PDE10A: variants seen among roughly 807,000 people sequenced by gnomAD.
The protein encoded by PDE10A is phosphodiesterase 10A, also known as cAMP and cAMP-inhibited cGMP 3',5'-cyclic phosphodiesterase 10A.
PDE10A carries 39 observed loss-of-function variants against 97.7 expected under a neutral mutation model. That is an observed-to-expected ratio of 0.40 (90% CI 0.31 to 0.52). The LOEUF is 0.52. Among genes scored for constraint, PDE10A ranks in the 20% least tolerant of loss-of-function variants. PDE10A has a pLI of 0.56. For synonymous variants in PDE10A, 371 were observed against 376.8 expected (o/e 0.98, Z 0.18); for missense variants, 731 against 1,047.8 (o/e 0.70, Z 4.17).
At chr6:165,377,219 T>G (rs575122034) in intron 18 of PDE10A, among the ~76,000 whole-genome samples, 5 of 152,226 alleles carry the variant, frequency 3.3e-5, no homozygotes, top group African/African-American at 9.6e-5. Flanking sequence ...TGAAATTTCT[T>G]TTACAATACA....
At chr6:165,483,809 G>A (rs1032323916) in intron 2 of PDE10A, among the ~76,000 whole-genome samples, 4 of 152,184 alleles carry the variant, frequency 2.6e-5, no homozygotes. Context: ...TTAGTTCAAG[G>A]ACAGTGTGAA....
At chr6:165,602,691 A>G (rs911599111) in intron 1 of PDE10A, among the ~76,000 whole-genome samples, 5 of 152,198 alleles carry the variant, frequency 3.3e-5, no homozygotes, top group African/African-American at 1.2e-4. Flanking sequence ...CACCCATATG[A>G]TAAAAAGATC....
chr6:165,711,003 C>G lies in PDE10A; in HGVS notation c.-614-167435G>C, dbSNP rs1370704164. Among the ~76,000 whole-genome samples, 1 of 152,208 alleles carries G rather than the reference C, an allele frequency of 6.6e-6. No homozygotes were observed. ...CCCCGTGGGAGGCGGAACGGCAGAG[C>G]GGGTTTCCTTTTTACCTGGCGCACT... On this transcript the variant is annotated intron_variant, in intron 1 of 19. Transcript: ENST00000366882. This position sits in a 1 kb window ranked among gnomAD's most constrained non-coding sequence, Gnocchi z 4.5.
At chr6:165,595,403 G>C (rs990518721) in intron 1 of PDE10A, among the ~76,000 whole-genome samples, 7 of 152,172 alleles carry the variant, frequency 4.6e-5, no homozygotes, top group Non-Finnish European at 8.8e-5. Flanking sequence ...AATAAAGACA[G>C]GCCTGTAGAA....
At chr6:165,902,317 A>T (rs182136306) in intron 1 of PDE10A, among the ~76,000 whole-genome samples, 2 of 152,310 alleles carry the variant, frequency 1.3e-5, no homozygotes, top group Admixed American at 1.3e-4. Flanking sequence ...GATTTGTGTG[A>T]TGCAAAAATG....
chr6:165,645,256 G>A (rs934297095), intron 1 of PDE10A, among the ~76,000 whole-genome samples: 6 of 152,188 alleles, frequency 3.9e-5, no homozygotes, highest in African/African-American at 1.4e-4. Context: ...CTGAGCGGGG[G>A]CCTGCTGGAA....
chr6:165,566,258 A>G (rs1784774010), intron 1 of PDE10A, among the ~76,000 whole-genome samples: 2 of 152,358 alleles, frequency 1.3e-5, no homozygotes, highest in African/African-American at 2.4e-5. Flanking sequence ...CTGATTATTA[A>G]AAGTCCAAAA....
intron 1 of PDE10A, among the ~76,000 whole-genome samples, chr6:165,873,090 C>G (rs1426226733): frequency 6.6e-6 from 1 of 152,294 alleles, no homozygotes; most frequent in African/African-American, 2.4e-5. Flanking sequence ...AGGCCTCAGC[C>G]TCCTGGCAGG....
chr6:165,457,823 G>A (rs1490308230), intron 3 of PDE10A, among the ~76,000 whole-genome samples: 1 of 152,166 alleles, frequency 6.6e-6, no homozygotes, highest in Non-Finnish European at 1.5e-5. Context: ...TTCACCGGGA[G>A]GACAAATGTT....
intron 2 of PDE10A, among the ~76,000 whole-genome samples, chr6:165,490,032 T>A (rs1583394433): frequency 6.6e-6 from 1 of 152,258 alleles, no homozygotes; most frequent in East Asian, 1.9e-4. Flanking sequence ...GAGGGAACAA[T>A]TGAGGAAAAC....
At chr6:165,810,317 G>A (rs1486238892) in intron 1 of PDE10A, among the ~76,000 whole-genome samples, 1 of 152,320 alleles carries the variant, frequency 6.6e-6, no homozygotes, top group East Asian at 1.9e-4. Flanking sequence ...GAATGGTGGG[G>A]TGTGGTAACT....
At chr6:165,712,966 T>G (rs1466114773) in intron 1 of PDE10A, among the ~76,000 whole-genome samples, 1 of 152,186 alleles carries the variant, frequency 6.6e-6, no homozygotes, top group Non-Finnish European at 1.5e-5. Context: ...AAAAATACAC[T>G]GTAGATTTTT....
At chr6:165,469,044 A>C (rs529015832) in intron 3 of PDE10A, among the ~76,000 whole-genome samples, 1 of 152,330 alleles carries the variant, frequency 6.6e-6, no homozygotes, top group South Asian at 2.1e-4. Context: ...TTTAGTTCCC[A>C]CTTTTAACAT....
At chr6:165,750,050 G>C (rs1294101437) in intron 1 of PDE10A, among the ~76,000 whole-genome samples, 1 of 152,262 alleles carries the variant, frequency 6.6e-6, no homozygotes, top group Middle Eastern at 3.4e-3. Context: ...AGTTGAACAG[G>C]GGGTATGTGA....
At chr6:165,501,223 G>A (rs1403094922) in intron 2 of PDE10A, among the ~76,000 whole-genome samples, 2 of 152,140 alleles carry the variant, frequency 1.3e-5, no homozygotes, top group Non-Finnish European at 2.9e-5. Context: ...ACCCACAGGT[G>A]TGGAGGGGCA....
intron 1 of PDE10A, among the ~76,000 whole-genome samples, chr6:165,843,195 G>A (rs1487090321): frequency 1.3e-5 from 2 of 152,200 alleles, no homozygotes; most frequent in Non-Finnish European, 2.9e-5. Context: ...GGTGTTGGGT[G>A]AGTGCAAAGG....
At chr6:165,614,459 C>A (rs1345474193) in intron 1 of PDE10A, among the ~76,000 whole-genome samples, 1 of 152,168 alleles carries the variant, frequency 6.6e-6, no homozygotes, top group Non-Finnish European at 1.5e-5. Context: ...GCGTGCTTCT[C>A]ACGTCTGTCC....
At chr6:165,413,457 T>C in intron 13 of PDE10A, 44 bp downstream of exon 13, 1 of 1,321,072 alleles carries the variant, frequency 7.6e-7, no homozygotes. Flanking sequence ...GATTCCAAAT[T>C]AATATTGAGT....
chr6:165,540,423 T>C (rs1355249045), intron 2 of PDE10A, among the ~76,000 whole-genome samples: 1 of 152,188 alleles, frequency 6.6e-6, no homozygotes, highest in East Asian at 1.9e-4. Flanking sequence ...ATTTTCTTTT[T>C]TCTAAATGAC....
Sources: gnomAD v4.1 joint callset for allele counts (sites outside exome capture counted in the v4.1 genomes callset) on GRCh38, gnomAD v4.1.1 for gene constraint, Gnocchi (gnomAD v3.1) non-coding constraint, MANE v1.5 for transcripts, NCBI Gene and HGNC (gene_info 2026-07-23, HGNC 2026-07-21) for gene names.